Variants in TBC1D8 observed in about 807,000 individuals in gnomAD.
The protein encoded by TBC1D8 is TBC1 domain family member 8, also known as BUB2-like protein 1.
TBC1D8 carries 65 observed loss-of-function variants against 118.8 expected under a neutral mutation model. The observed-to-expected ratio is 0.55, with a 90% CI of 0.45 to 0.67. The LOEUF is 0.67. TBC1D8 is among the 30% of genes least tolerant of loss of function. The pLI is 0.00. For missense variants in TBC1D8, 1,376 were observed against 1,471.2 expected (o/e 0.94, Z 1.06); for synonymous variants, 566 against 595.8 (o/e 0.95, Z 0.73).
At chr2:101,079,458 T>TATGA (rs1484417728) in intron 2 of TBC1D8, among the ~76,000 whole-genome samples, 15 of 152,138 alleles carry the variant, frequency 9.9e-5, no homozygotes, top group African/African-American at 3.6e-4. Context: ...CACCGCAGCC[T>TATGA]TGAACTCCCA....
chr2:101,123,972 TA>T (rs1426223388), intron 1 of TBC1D8, among the ~76,000 whole-genome samples: 2 of 152,102 alleles, frequency 1.3e-5, no homozygotes, highest in African/African-American at 4.8e-5. Context: ...CAGGAGTGAT[TA>T]AAACATCGGC....
intron 5 of TBC1D8, among the ~76,000 whole-genome samples, chr2:101,047,344 T>C (rs1271473307): frequency 2.0e-5 from 3 of 152,208 alleles, no homozygotes; most frequent in Admixed American, 1.3e-4. Context: ...TCATGACTAA[T>C]TGGCAATCTG....
chr2:101,033,693 T>C lies in TBC1D8; in HGVS notation c.1669A>G (p.Lys557Glu), dbSNP rs1387927473. The C allele has an allele frequency of 9.3e-6, 15 of 1,613,700 alleles. No individual in the cohort carries two copies. Among genetic ancestry groups the C allele is most frequent in the African/African-American group, 2.7e-5 (2 of 74,850 alleles). ...ATCTCCTCGGTTACCAGGCAGCATTTCCCCAGGGACTCCTCCACCAGATTC... is the reference window on the plus strand; with the variant it reads ...ATCTCCTCGGTTACCAGGCAGCATTCCCCCAGGGACTCCTCCACCAGATTC... ...YGNLVEESLG[K>E]CCLVTEEIER... is the part of the protein sequence containing the mutation. Residue 557 changes from lysine to glutamate, a missense_variant, in exon 10 of 20, where the codon AAA becomes GAA. Physicochemically the swap from Lys to Glu is moderately conservative, Grantham distance 56. Coordinates refer to ENST00000409318, the MANE Select transcript of TBC1D8 (RefSeq NM_001330348.2).
chr2:101,085,279 G>A (rs1170858665), intron 2 of TBC1D8, among the ~76,000 whole-genome samples: 1 of 152,096 alleles, frequency 6.6e-6, no homozygotes, highest in Non-Finnish European at 1.5e-5. Context: ...AATGCTGTGT[G>A]GCCATTAAGA....
chr2:101,055,103 T>G (rs1224743976), intron 3 of TBC1D8, among the ~76,000 whole-genome samples: 4 of 152,080 alleles, frequency 2.6e-5, no homozygotes. Flanking sequence ...GTTAGTCCTT[T>G]GAGCGTCCAG....
At chr2:101,047,686 C>A (rs550383401) in intron 5 of TBC1D8, among the ~76,000 whole-genome samples, 43 of 152,222 alleles carry the variant, frequency 2.8e-4, no homozygotes, top group Non-Finnish European at 4.9e-4. Context: ...CATCACAGGG[C>A]CAGCCCCACG....
At chr2:101,033,122 ATT>A (rs67349426) in intron 10 of TBC1D8, among the ~76,000 whole-genome samples, 2 of 148,318 alleles carry the variant, frequency 1.3e-5, no homozygotes, top group African/African-American at 5.0e-5. Flanking sequence ...CACTCGGTAA[ATT>A]TTTTTTTTTT....
chr2:101,096,443 A>AAAAAAAAAAAAAAAAAAAAC (rs1553418002), intron 1 of TBC1D8, among the ~76,000 whole-genome samples: 2 of 131,456 alleles, frequency 1.5e-5, no homozygotes, highest in African/African-American at 2.6e-5. Context: ...AAAAAAAAAA[A>AAAAAAAAAAAAAAAAAAAAC]AAAACTATAA....
At chr2:101,086,483 A>G (rs1160915856) in intron 2 of TBC1D8, among the ~76,000 whole-genome samples, 2 of 152,196 alleles carry the variant, frequency 1.3e-5, no homozygotes, top group Non-Finnish European at 2.9e-5. Flanking sequence ...CTATGCTCAC[A>G]GTAGTTACAG....
chr2:101,007,708 G>C lies in TBC1D8; in HGVS notation c.*113C>G. ...CACAGTTTGTCAGGTTGTTTAGCCA[G>C]ATGCCCCATTGGTAAGGTAGACTGA... On this transcript the variant is annotated 3_prime_UTR_variant, in exon 20 of 20. Transcript: ENST00000409318. The C allele has an allele frequency of 9.1e-7, 1 of 1,093,132 alleles. No individual in the cohort carries two copies. Among genetic ancestry groups the C allele is most frequent in the Non-Finnish European group, 1.3e-6 (1 of 755,082 alleles). 67.7% of individuals were successfully genotyped at this position (1,093,132 alleles called of 1,614,324 possible).
chr2:101,069,540 C>T (rs1032558044), intron 2 of TBC1D8, among the ~76,000 whole-genome samples: 2 of 152,144 alleles, frequency 1.3e-5, no homozygotes, highest in Non-Finnish European at 2.9e-5. Context: ...GAGCCGAGAT[C>T]GTGCCATTGC....
rs1222068087 is a variant in TBC1D8, at chr2:101,055,155, G to A, written c.403-819C>T. Among the ~76,000 whole-genome samples, 8 of 151,564 alleles carry A rather than the reference G, an allele frequency of 5.3e-5. No individual in the cohort carries two copies. The South Asian group carries it at 1.5e-3, about 28-fold the overall frequency. On this transcript the variant is annotated intron_variant, in intron 3 of 19. Coordinates refer to ENST00000409318, the MANE Select transcript of TBC1D8 (RefSeq NM_001330348.2). Reference sequence around the variant, plus strand: ...CTGTAATCCCAGCACTTTGGGAGACGGAGGTGGGCAGATCACTTTAGGCCA... The same window carrying A: ...CTGTAATCCCAGCACTTTGGGAGACAGAGGTGGGCAGATCACTTTAGGCCA...
At chr2:101,072,266 C>A (rs1674498297) in intron 2 of TBC1D8, among the ~76,000 whole-genome samples, 1 of 152,156 alleles carries the variant, frequency 6.6e-6, no homozygotes, top group Non-Finnish European at 1.5e-5. Flanking sequence ...ATGGAAAACA[C>A]TGCACCAGCA....
intron 7 of TBC1D8, 96 bp from the exon 8 acceptor site, chr2:101,037,804 C>A: frequency 1.4e-6 from 2 of 1,479,866 alleles, no homozygotes; most frequent in Non-Finnish European, 9.3e-7. Context: ...TTTGGATGCA[C>A]GGGCATAGCA....
At chr2:101,081,403 C>T (rs1675256107) in intron 2 of TBC1D8, among the ~76,000 whole-genome samples, 1 of 152,210 alleles carries the variant, frequency 6.6e-6, no homozygotes, top group Non-Finnish European at 1.5e-5. Flanking sequence ...ACAGACCTTA[C>T]TGGCTACATA....
intron 11 of TBC1D8, 145 bp from the exon 12 acceptor site, chr2:101,029,921 G>C (rs1479267893): frequency 1.3e-6 from 1 of 758,468 alleles, no homozygotes; most frequent in Non-Finnish European, 2.1e-6. Context: ...CATTGATTCT[G>C]ACTTTTAGAC....
intron 14 of TBC1D8, among the ~76,000 whole-genome samples, chr2:101,027,833 A>T (rs1680425427): frequency 6.6e-6 from 1 of 152,310 alleles, no homozygotes; most frequent in African/African-American, 2.4e-5. Flanking sequence ...TCCCCATTTT[A>T]CACGGGGGAA....
intron 17 of TBC1D8, among the ~76,000 whole-genome samples, chr2:101,020,563 C>T (rs1268885959): frequency 6.6e-6 from 1 of 152,124 alleles, no homozygotes; most frequent in African/African-American, 2.4e-5. Flanking sequence ...TGCATATTGT[C>T]AATGAGAAGG....
chr2:101,108,477 C>T (rs1230961551), intron 1 of TBC1D8, among the ~76,000 whole-genome samples: 1 of 152,172 alleles, frequency 6.6e-6, no homozygotes. Context: ...ACAAAACAAA[C>T]GTATGAGTCT....
Sources: allele counts gnomAD v4.1 joint callset (sites outside exome capture counted in the v4.1 genomes callset), GRCh38; gene constraint gnomAD v4.1.1; transcripts MANE v1.5; gene names NCBI Gene and HGNC (gene_info 2026-07-23, HGNC 2026-07-21).